The following MFHAS1 variants were observed in gnomAD, a reference collection of about 807,000 sequenced individuals.
MFHAS1 encodes the protein malignant fibrous histiocytoma-amplified sequence 1.
MFHAS1 carries 50 observed loss-of-function variants against 70.4 expected under a neutral mutation model. That is an observed-to-expected ratio of 0.71 (90% CI 0.57 to 0.90). The LOEUF (loss-of-function observed/expected upper bound fraction) is 0.90, where lower values mean the gene tolerates loss of function less well. MFHAS1 is among the 40% of genes least tolerant of loss of function. The probability of loss-of-function intolerance (pLI) is 0.00; values close to 1 mark genes in which losing one functional copy is unlikely to be tolerated. For synonymous variants in MFHAS1, 952 were observed against 620.0 expected (o/e 1.54, Z -7.96); for missense variants, 1,795 against 1,347.6 (o/e 1.33, Z -5.20).
chr8:8,795,296 C>T (rs1010546353), intron 2 of MFHAS1, among the ~76,000 whole-genome samples: 1 of 152,054 alleles, frequency 6.6e-6, no homozygotes, highest in Non-Finnish European at 1.5e-5. Context: ...CCAATATGTA[C>T]AATTTCAAAG....
chr8:8,844,682 C>A (rs776802513), intron 1 of MFHAS1, among the ~76,000 whole-genome samples: 9 of 152,278 alleles, frequency 5.9e-5, no homozygotes, highest in Admixed American at 4.6e-4. Flanking sequence ...ACACTCTATC[C>A]CCTGAACCTC....
At chr8:8,787,450 G>A (rs1007924380) in intron 2 of MFHAS1, among the ~76,000 whole-genome samples, 10 of 151,644 alleles carry the variant, frequency 6.6e-5, no homozygotes, top group African/African-American at 1.4e-4. Flanking sequence ...GCATACTAGC[G>A]AGTGACAGAG....
intron 1 of MFHAS1, among the ~76,000 whole-genome samples, chr8:8,847,696 C>T (rs762622795): frequency 6.6e-6 from 1 of 152,158 alleles, no homozygotes; most frequent in East Asian, 1.9e-4. Flanking sequence ...GCAGTAAATT[C>T]CCTGCACACT....
chr8:8,857,906 G>A (rs1439004612), intron 1 of MFHAS1, among the ~76,000 whole-genome samples: 2 of 152,160 alleles, frequency 1.3e-5, no homozygotes, highest in African/African-American at 4.8e-5. Flanking sequence ...CTGCCCACTT[G>A]TTGATACATT....
chr8:8,826,043 T>G (rs1188670548), intron 1 of MFHAS1, among the ~76,000 whole-genome samples: 1 of 152,220 alleles, frequency 6.6e-6, no homozygotes, highest in Non-Finnish European at 1.5e-5. Context: ...GTTCTGATAA[T>G]GGATAGTTGT....
chr8:8,838,200 C>T (rs1193036994), intron 1 of MFHAS1, among the ~76,000 whole-genome samples: 1 of 152,168 alleles, frequency 6.6e-6, no homozygotes, highest in African/African-American at 2.4e-5. Flanking sequence ...CTAGACAAGG[C>T]AGATCTAATC....
intron 1 of MFHAS1, among the ~76,000 whole-genome samples, 168 bp from the exon 2 acceptor site, chr8:8,797,659 G>A (rs747170093): frequency 5.3e-5 from 8 of 152,188 alleles, no homozygotes; most frequent in South Asian, 4.1e-4. Context: ...CTGCCTGGGC[G>A]CCGGCTCCAG....
intron 1 of MFHAS1, among the ~76,000 whole-genome samples, chr8:8,829,366 G>C (rs763365818): frequency 6.6e-6 from 1 of 152,132 alleles, no homozygotes; most frequent in Admixed American, 6.5e-5. Flanking sequence ...TTCATTCATG[G>C]ACATCTCTAT....
At chr8:8,887,566 A>G (rs1246174972) in intron 1 of MFHAS1, among the ~76,000 whole-genome samples, 1 of 150,274 alleles carries the variant, frequency 6.7e-6, no homozygotes, top group Non-Finnish European at 1.5e-5. Flanking sequence ...ATATGTACAT[A>G]TTTTATAATT....
At chr8:8,883,823 C>T (rs942477373) in intron 1 of MFHAS1, among the ~76,000 whole-genome samples, 2 of 151,892 alleles carry the variant, frequency 1.3e-5, no homozygotes, top group East Asian at 1.9e-4. Flanking sequence ...CATTCCCCTC[C>T]TATAATACAG....
intron 1 of MFHAS1, among the ~76,000 whole-genome samples, chr8:8,824,635 A>C (rs927425673): frequency 6.6e-6 from 1 of 152,172 alleles, no homozygotes; most frequent in Non-Finnish European, 1.5e-5. Context: ...CACTCATGTA[A>C]CATAAGATCC....
chr8:8,889,552 C>T (rs1209284919), intron 1 of MFHAS1, among the ~76,000 whole-genome samples: 1 of 152,194 alleles, frequency 6.6e-6, no homozygotes, highest in Non-Finnish European at 1.5e-5. Flanking sequence ...GCATTGCATG[C>T]CTGTATCAAA....
chr8:8,833,100 C>A (rs1807467960), intron 1 of MFHAS1, among the ~76,000 whole-genome samples: 1 of 152,092 alleles, frequency 6.6e-6, no homozygotes, highest in Non-Finnish European at 1.5e-5. Flanking sequence ...AGGGAAGGTG[C>A]CACACACTTT....
At chr8:8,884,344 A>C (rs887713536) in intron 1 of MFHAS1, among the ~76,000 whole-genome samples, 1 of 152,258 alleles carries the variant, frequency 6.6e-6, no homozygotes, top group African/African-American at 2.4e-5. Flanking sequence ...AAGAAAAGCC[A>C]AGAAGCATCA....
intron 1 of MFHAS1, among the ~76,000 whole-genome samples, chr8:8,877,743 T>C (rs552640980): frequency 2.1e-4 from 32 of 152,284 alleles, no homozygotes; most frequent in African/African-American, 7.5e-4. Context: ...CATAAATCTC[T>C]TCCAAGGTCT....
chr8:8,807,449 C>G (rs1563182663), intron 1 of MFHAS1, among the ~76,000 whole-genome samples: 1 of 152,162 alleles, frequency 6.6e-6, no homozygotes, highest in Non-Finnish European at 1.5e-5. Flanking sequence ...ATTCTCATCT[C>G]TTCCCTCCCC....
chr8:8,836,569 G>C (rs1807603122), intron 1 of MFHAS1, among the ~76,000 whole-genome samples: 1 of 152,024 alleles, frequency 6.6e-6, no homozygotes, highest in African/African-American at 2.4e-5. Flanking sequence ...GTGGAGGCAG[G>C]GTCTTCCTAT....
intron 1 of MFHAS1, among the ~76,000 whole-genome samples, chr8:8,852,208 T>C (rs1449994010): frequency 6.6e-6 from 1 of 152,158 alleles, no homozygotes; most frequent in East Asian, 1.9e-4. Flanking sequence ...CCAGGTGCGG[T>C]GACTCACACC....
rs557028628 is a variant in MFHAS1, at chr8:8,796,535, T to C, written c.3125+830A>G. On this transcript the variant is annotated intron_variant, in intron 2 of 2. Transcript: ENST00000276282. ...CGTCTCTACTAAAAATACAAAAAAA[T>C]TAGCCGGGCGCGGTGGCGGGCGCCT... Among the ~76,000 whole-genome samples, 6 of 145,996 alleles carry C rather than the reference T, an allele frequency of 4.1e-5. No homozygotes were observed. In the South Asian group the frequency reaches 1.3e-3, roughly 32 times the overall value.
Sources: gnomAD v4.1 joint callset for allele counts (sites outside exome capture counted in the v4.1 genomes callset) on GRCh38, gnomAD v4.1.1 for gene constraint, MANE v1.5 for transcripts, NCBI Gene and HGNC (gene_info 2026-07-23, HGNC 2026-07-21) for gene names.